The following HMCN1 variants were observed in gnomAD, a reference collection of about 807,000 sequenced individuals.
HMCN1 encodes the protein hemicentin-1.
HMCN1 carries 321 observed loss-of-function variants against 625.9 expected under a neutral mutation model. The observed-to-expected ratio is 0.51, with a 90% CI of 0.47 to 0.56. HMCN1 has a LOEUF of 0.56. HMCN1 is among the 20% of genes least tolerant of loss of function. HMCN1 has a pLI of 0.00. For missense variants in HMCN1, 6,588 were observed against 6,887.3 expected, an observed-to-expected ratio of 0.96 and a Z score of 1.54; for synonymous variants, 2,425 against 2,417.6, an observed-to-expected ratio of 1.00 and a Z score of -0.09.
chr1:186,024,558 G>A (rs1027024530), intron 36 of HMCN1, among the ~76,000 whole-genome samples: 6 of 152,106 alleles, frequency 3.9e-5, no homozygotes, highest in Non-Finnish European at 1.5e-5. Flanking sequence ...ATCATCTTAG[G>A]CGCTTAGGAG....
At chr1:185,794,356 T>C (rs149312873) in intron 1 of HMCN1, among the ~76,000 whole-genome samples, 2 of 151,602 alleles carry the variant, frequency 1.3e-5, no homozygotes, top group Admixed American at 1.3e-4. Flanking sequence ...TATATATATA[T>C]ATATGTGAGT....
At chr1:185,953,464 C>T (rs138001598) in intron 11 of HMCN1, among the ~76,000 whole-genome samples, 2,865 of 151,874 alleles carry the variant, frequency 0.019, 118 homozygotes, top group African/African-American at 0.061. Flanking sequence ...ACGGATAAAA[C>T]GTGTCTCCTT....
chr1:186,097,540 A>G (rs1660191454), intron 68 of HMCN1, among the ~76,000 whole-genome samples: 1 of 152,096 alleles, frequency 6.6e-6, no homozygotes, highest in South Asian at 2.1e-4. Flanking sequence ...TTTAAACATC[A>G]GTGAAAGAAA....
chr1:186,128,304 A>T lies in HMCN1; in HGVS notation c.12904+13A>T, dbSNP rs1313953601. The T allele has an allele frequency of 1.3e-6, 2 of 1,599,802 alleles. No individual in the cohort carries two copies. Among genetic ancestry groups the T allele is most frequent in the Non-Finnish European group, 1.7e-6 (2 of 1,168,290 alleles). On this transcript the variant is annotated intron_variant, in intron 83 of 106. Coordinates refer to ENST00000271588, the MANE Select transcript of HMCN1 (RefSeq NM_031935.3). The stretch of plus-strand genomic sequence containing the variant: ...AATATTATTCCAGGTTGGTCATTTA[A>T]TTCTCAAGAAGTGAATAAATACACC...
intron 2 of HMCN1, among the ~76,000 whole-genome samples, chr1:185,849,501 T>TAATA (rs1662033259): frequency 6.6e-6 from 1 of 152,216 alleles, no homozygotes; most frequent in South Asian, 2.1e-4. Flanking sequence ...GTTCACTTTT[T>TAATA]AATAAATGAA....
intron 46 of HMCN1, among the ~76,000 whole-genome samples, chr1:186,059,651 A>G (rs1443992023): frequency 6.6e-6 from 1 of 152,066 alleles, no homozygotes; most frequent in African/African-American, 2.4e-5. Flanking sequence ...TCTCCTGTAC[A>G]TGCCTATTTC....
chr1:185,951,552 T>C lies in HMCN1; in HGVS notation c.1829-10966T>C, dbSNP rs185991543. ...GGGGGCTTCTGAGGCGATCGGGCAG[T>C]GTCAGTCTTCAGCCGCTAAGCCGAG... is the stretch of plus-strand genomic sequence containing the variant. On this transcript the variant is annotated intron_variant, in intron 11 of 106. Transcript: ENST00000271588. Among the ~76,000 whole-genome samples the C allele has an allele frequency of 1.8e-3, 274 of 150,260 alleles. 4 individuals are homozygous for C. The highest frequency in any genetic ancestry group is 0.016 in the Admixed American group (236 of 15,036).
chr1:186,113,377 C>T (rs4651299), intron 72 of HMCN1, among the ~76,000 whole-genome samples: 96,369 of 152,050 alleles, frequency 0.63, 32,780 homozygotes, highest in African/African-American at 0.9. Context: ...ATGCCAACAT[C>T]TAGGAAGATA....
intron 69 of HMCN1, among the ~76,000 whole-genome samples, chr1:186,104,351 G>A (rs1394359751): frequency 6.6e-6 from 1 of 152,134 alleles, no homozygotes; most frequent in Non-Finnish European, 1.5e-5. Context: ...TGCTTAGACT[G>A]GTGCCACAGG....
intron 1 of HMCN1, among the ~76,000 whole-genome samples, chr1:185,796,960 C>G (rs1490615049): frequency 6.6e-6 from 1 of 152,176 alleles, no homozygotes; most frequent in Non-Finnish European, 1.5e-5. Flanking sequence ...ACATTTCCAC[C>G]AGTAGTGTAT....
At chr1:185,867,442 A>T (rs994636200) in intron 4 of HMCN1, among the ~76,000 whole-genome samples, 1 of 152,200 alleles carries the variant, frequency 6.6e-6, no homozygotes, top group Non-Finnish European at 1.5e-5. Flanking sequence ...GCTCATAGAA[A>T]TTGTCTTCAA....
intron 44 of HMCN1, 143 bp from the exon 45 acceptor site, chr1:186,055,250 T>C: frequency 1.3e-6 from 1 of 764,632 alleles, no homozygotes; most frequent in Admixed American, 2.2e-5. Flanking sequence ...CATAACATCA[T>C]GTCTGTTAGT....
At chr1:185,973,618 T>C (rs994681088) in intron 15 of HMCN1, among the ~76,000 whole-genome samples, 1 of 152,018 alleles carries the variant, frequency 6.6e-6, no homozygotes, top group African/African-American at 2.4e-5. Context: ...GGCTATTTAA[T>C]ACGATTTTTG....
chr1:185,908,054 A>G (rs1571541427), intron 4 of HMCN1, among the ~76,000 whole-genome samples: 1 of 152,004 alleles, frequency 6.6e-6, no homozygotes, highest in Non-Finnish European at 1.5e-5. Flanking sequence ...AAAATAAGAA[A>G]TGCAAAAACA....
intron 15 of HMCN1, among the ~76,000 whole-genome samples, chr1:185,973,324 T>C (rs954138532): frequency 3.3e-5 from 5 of 152,166 alleles, no homozygotes; most frequent in Non-Finnish European, 7.3e-5. Context: ...GCCTATATAA[T>C]AGCAGCTTAG....
intron 16 of HMCN1, among the ~76,000 whole-genome samples, chr1:185,979,716 A>C (rs1342862585): frequency 6.6e-6 from 1 of 152,218 alleles, no homozygotes; most frequent in Non-Finnish European, 1.5e-5. Context: ...ATGCAGTTCT[A>C]CAATTAGATG....
At chr1:186,002,876 C>G (rs1653290120) in intron 28 of HMCN1, among the ~76,000 whole-genome samples, 1 of 152,130 alleles carries the variant, frequency 6.6e-6, no homozygotes, top group African/African-American at 2.4e-5. Flanking sequence ...ACTACCTTCT[C>G]CCCAACATTT....
rs990325728 is a variant in HMCN1, at chr1:186,104,359, A to C, written c.10770+691A>C. ...CATGATGTGCTTAGACTGGTGCCACAGGCATGTAGTAAATGCTTTCAAAAA... is the reference window on the plus strand; with the variant it reads ...CATGATGTGCTTAGACTGGTGCCACCGGCATGTAGTAAATGCTTTCAAAAA... On this transcript the variant is annotated intron_variant, in intron 69 of 106. Coordinates refer to ENST00000271588, the MANE Select transcript of HMCN1 (RefSeq NM_031935.3). Among the ~76,000 whole-genome samples the C allele has an allele frequency of 8.5e-5, 13 of 152,194 alleles. 1 individual carries two copies. The highest frequency in any genetic ancestry group is 3.1e-4 in the African/African-American group (13 of 41,456).
At chr1:185,818,548 G>A (rs937057015) in intron 1 of HMCN1, among the ~76,000 whole-genome samples, 8 of 152,088 alleles carry the variant, frequency 5.3e-5, no homozygotes, top group Non-Finnish European at 8.8e-5. Context: ...GAATTGAGTA[G>A]AACTGAATAT....
Sources: allele counts gnomAD v4.1 joint callset (sites outside exome capture counted in the v4.1 genomes callset), GRCh38; gene constraint gnomAD v4.1.1; transcripts MANE v1.5; gene names NCBI Gene and HGNC (gene_info 2026-07-23, HGNC 2026-07-21).